NDUFAF2: variants seen among roughly 807,000 people sequenced by gnomAD.
NDUFAF2 encodes NADH dehydrogenase [ubiquinone] 1 alpha subcomplex assembly factor 2.
NDUFAF2 carries 13 observed loss-of-function variants against 22.8 expected under a neutral mutation model. The observed-to-expected ratio is 0.57, with a 90% CI of 0.37 to 0.91. NDUFAF2 has a LOEUF of 0.91. NDUFAF2 is among the 40% of genes least tolerant of loss of function. The pLI, the probability that NDUFAF2 is intolerant of heterozygous loss-of-function variation, is 0.01. For missense variants in NDUFAF2, 162 were observed against 195.2 expected (o/e 0.83, Z 1.01); for synonymous variants, 53 against 64.2 (o/e 0.83, Z 0.84).
intron 1 of NDUFAF2, among the ~76,000 whole-genome samples, chr5:60,973,741 A>G (rs1227047926): frequency 6.6e-6 from 1 of 152,156 alleles, no homozygotes; most frequent in Non-Finnish European, 1.5e-5. Flanking sequence ...TAAGTTCTTT[A>G]TTAAGTCCTC....
At chr5:61,071,087 G>A (rs1752292938) in intron 1 of NDUFAF2, among the ~76,000 whole-genome samples, 1 of 152,114 alleles carries the variant, frequency 6.6e-6, no homozygotes, top group African/African-American at 2.4e-5. Flanking sequence ...ATTTATATAT[G>A]TGAATGTAAA....
intron 3 of NDUFAF2, among the ~76,000 whole-genome samples, chr5:61,148,168 A>G (rs1434852010): frequency 2.0e-5 from 3 of 152,160 alleles, no homozygotes; most frequent in African/African-American, 7.2e-5. Context: ...CTATCTCTCC[A>G]TAAACCACCA....
chr5:61,030,323 G>A (rs1359516216), intron 1 of NDUFAF2, among the ~76,000 whole-genome samples: 2 of 152,068 alleles, frequency 1.3e-5, no homozygotes, highest in Admixed American at 6.6e-5. Context: ...GACAAGGAGG[G>A]AACCTTATCA....
intron 1 of NDUFAF2, among the ~76,000 whole-genome samples, chr5:60,959,789 T>C (rs1306872020): frequency 1.3e-5 from 2 of 152,254 alleles, no homozygotes; most frequent in East Asian, 1.9e-4. Flanking sequence ...AATTTTCTGA[T>C]CTTCATTTTG....
chr5:61,085,773 T>C (rs1273180607), intron 2 of NDUFAF2, among the ~76,000 whole-genome samples: 1 of 152,196 alleles, frequency 6.6e-6, no homozygotes, highest in Non-Finnish European at 1.5e-5. Context: ...AACTTGAAGA[T>C]TTAGGGATAA....
At chr5:60,948,069 A>G (rs1166644816) in intron 1 of NDUFAF2, among the ~76,000 whole-genome samples, 2 of 152,180 alleles carry the variant, frequency 1.3e-5, no homozygotes, top group Non-Finnish European at 2.9e-5. Context: ...AACCATCAAC[A>G]CAGTCAAGAA....
At chr5:61,132,717 C>G (rs1052344218) in intron 3 of NDUFAF2, among the ~76,000 whole-genome samples, 2 of 152,142 alleles carry the variant, frequency 1.3e-5, no homozygotes, top group Non-Finnish European at 2.9e-5. Flanking sequence ...TGCTGCTCTG[C>G]TTGGGAATTC....
intron 1 of NDUFAF2, among the ~76,000 whole-genome samples, chr5:60,976,309 T>A (rs1750901941): frequency 6.6e-6 from 1 of 152,058 alleles, no homozygotes; most frequent in Non-Finnish European, 1.5e-5. Context: ...ATGTGCTTTT[T>A]TTTTTTTCTT....
chr5:61,140,221 G>T (rs1476573859), intron 3 of NDUFAF2, among the ~76,000 whole-genome samples: 2 of 152,242 alleles, frequency 1.3e-5, no homozygotes, highest in Non-Finnish European at 2.9e-5. Context: ...AACAGGGATT[G>T]TCCTCATCTC....
At chr5:61,145,332 A>T (rs1391969219) in intron 3 of NDUFAF2, among the ~76,000 whole-genome samples, 1 of 152,212 alleles carries the variant, frequency 6.6e-6, no homozygotes, top group Non-Finnish European at 1.5e-5. Context: ...AAAAACAATG[A>T]TGAGCTTGTT....
chr5:61,054,709 C>T (rs1297659528), intron 1 of NDUFAF2, among the ~76,000 whole-genome samples: 1 of 152,190 alleles, frequency 6.6e-6, no homozygotes, highest in Admixed American at 6.5e-5. Context: ...GCAAAATTCC[C>T]ACAGGTAGGA....
intron 3 of NDUFAF2, among the ~76,000 whole-genome samples, chr5:61,111,563 A>G (rs970970944): frequency 1.3e-5 from 2 of 151,868 alleles, no homozygotes; most frequent in African/African-American, 2.4e-5. Flanking sequence ...CAGCCCCCCA[A>G]GTAGCTGGGA....
intron 2 of NDUFAF2, among the ~76,000 whole-genome samples, chr5:61,087,931 GT>G (rs1168067710): frequency 6.6e-6 from 1 of 152,048 alleles, no homozygotes; most frequent in Non-Finnish European, 1.5e-5. Context: ...TTATCTTACA[GT>G]TTCTGTGCAT....
chr5:61,149,766 T>C (rs564140690), intron 3 of NDUFAF2, among the ~76,000 whole-genome samples: 1 of 152,326 alleles, frequency 6.6e-6, no homozygotes, highest in East Asian at 1.9e-4. Flanking sequence ...TAGGGTGATA[T>C]TGTTCCAAGG....
chr5:60,953,115 A>G (rs1290989407), intron 1 of NDUFAF2, among the ~76,000 whole-genome samples: 1 of 152,144 alleles, frequency 6.6e-6, no homozygotes, highest in Non-Finnish European at 1.5e-5. Flanking sequence ...ACAGACCCCA[A>G]ATCATCAACA....
intron 1 of NDUFAF2, among the ~76,000 whole-genome samples, chr5:60,984,253 C>G (rs1751035396): frequency 6.6e-6 from 1 of 152,100 alleles, no homozygotes; most frequent in Non-Finnish European, 1.5e-5. Flanking sequence ...ATTTTGTATC[C>G]TGAGACTTTG....
intron 1 of NDUFAF2, among the ~76,000 whole-genome samples, chr5:60,957,512 T>A (rs1750632661): frequency 7.2e-6 from 1 of 138,740 alleles, no homozygotes; most frequent in Middle Eastern, 3.5e-3. Flanking sequence ...TTTTTTTTTT[T>A]AACAGTTTAT....
At chr5:61,072,043 T>C (rs999057156) in intron 1 of NDUFAF2, among the ~76,000 whole-genome samples, 1 of 152,252 alleles carries the variant, frequency 6.6e-6, no homozygotes, top group South Asian at 2.1e-4. Context: ...CACCAACTTT[T>C]ACTTTACTGT....
chr5:61,094,590 C>T (rs968295050), intron 2 of NDUFAF2, among the ~76,000 whole-genome samples: 5 of 152,336 alleles, frequency 3.3e-5, no homozygotes, highest in African/African-American at 1.2e-4. Flanking sequence ...GTTTTCAGTG[C>T]TCTTGCACTG....
Sources: allele counts gnomAD v4.1 joint callset (sites outside exome capture counted in the v4.1 genomes callset), GRCh38; gene constraint gnomAD v4.1.1; transcripts MANE v1.5; gene names NCBI Gene and HGNC (gene_info 2026-07-23, HGNC 2026-07-21).